MAP4K5: variants seen among roughly 807,000 people sequenced by gnomAD.
MAP4K5 encodes MAPK/ERK kinase kinase kinase 5.
MAP4K5 carries 82 observed loss-of-function variants against 135.6 expected under a neutral mutation model. The ratio of observed to expected loss-of-function variants is 0.60; its 90% CI spans 0.51 to 0.73. The LOEUF is 0.73. Among genes scored for constraint, MAP4K5 ranks in the 30% least tolerant of loss-of-function variants. The pLI is 0.00. For missense variants in MAP4K5, 907 were observed against 1,010.9 expected, an observed-to-expected ratio of 0.90 and a Z score of 1.39; for synonymous variants, 347 against 335.0, an observed-to-expected ratio of 1.04 and a Z score of -0.39.
intron 1 of MAP4K5, among the ~76,000 whole-genome samples, chr14:50,556,626 C>G (rs1406531879): frequency 6.6e-6 from 1 of 152,194 alleles, no homozygotes; most frequent in Non-Finnish European, 1.5e-5. Context: ...TTAGCAGTCA[C>G]TCTCCAATTT....
intron 9 of MAP4K5, among the ~76,000 whole-genome samples, chr14:50,471,018 CTTTTA>C (rs1218821359): frequency 1.3e-5 from 2 of 151,886 alleles, no homozygotes; most frequent in Admixed American, 6.6e-5. Flanking sequence ...TTTCCTTCAA[CTTTTA>C]TTTTAAGTTC....
intron 30 of MAP4K5, among the ~76,000 whole-genome samples, chr14:50,426,813 G>A (rs1461146615): frequency 1.3e-5 from 2 of 152,208 alleles, no homozygotes; most frequent in Non-Finnish European, 2.9e-5. Flanking sequence ...GGATCTGTGA[G>A]TCAATTCTTA....
chr14:50,450,783 A>C (rs1335085951), intron 14 of MAP4K5, among the ~76,000 whole-genome samples: 1 of 152,176 alleles, frequency 6.6e-6, no homozygotes, highest in Non-Finnish European at 1.5e-5. Context: ...AACCTGACAC[A>C]AGCCTTGAAA....
chr14:50,454,118 A>G (rs1319500498), intron 14 of MAP4K5, among the ~76,000 whole-genome samples: 3 of 152,202 alleles, frequency 2.0e-5, no homozygotes, highest in Non-Finnish European at 4.4e-5. Flanking sequence ...ATTACTACAC[A>G]TGACTCTAAC....
intron 28 of MAP4K5, among the ~76,000 whole-genome samples, chr14:50,432,995 G>A (rs953995947): frequency 2.6e-5 from 4 of 151,902 alleles, no homozygotes; most frequent in Non-Finnish European, 5.9e-5. Flanking sequence ...GCACCACCAC[G>A]CCCGGCTAAG....
intron 1 of MAP4K5, among the ~76,000 whole-genome samples, chr14:50,555,750 C>G (rs2038758017): frequency 2.6e-5 from 4 of 152,232 alleles, no homozygotes; most frequent in African/African-American, 9.6e-5. Context: ...AGCTGATGAA[C>G]TGACCACCAT....
At chr14:50,430,481 T>C (rs558804512) in intron 28 of MAP4K5, among the ~76,000 whole-genome samples, 2 of 152,320 alleles carry the variant, frequency 1.3e-5, no homozygotes, top group South Asian at 4.1e-4. Context: ...GACTTTTCCT[T>C]CAAATGGCGG....
intron 1 of MAP4K5, among the ~76,000 whole-genome samples, chr14:50,554,073 A>G (rs1483671414): frequency 6.6e-6 from 1 of 152,046 alleles, no homozygotes; most frequent in East Asian, 1.9e-4. Context: ...TAACAAAAAA[A>G]ATCTGTTCCC....
At chr14:50,446,227 A>G (rs2036345046) in intron 16 of MAP4K5, 106 bp from the exon 17 acceptor site, 1 of 655,150 alleles carries the variant, frequency 1.5e-6, no homozygotes, top group Non-Finnish European at 2.5e-6. Flanking sequence ...AGAGGATGTA[A>G]AAGACAGATC....
intron 2 of MAP4K5, among the ~76,000 whole-genome samples, chr14:50,528,404 A>T (rs2038313864): frequency 9.3e-5 from 1 of 10,806 alleles, no homozygotes; most frequent in Admixed American, 7.9e-4. Flanking sequence ...CTAAGGTGTA[A>T]AAAAAAAAAA....
intron 13 of MAP4K5, among the ~76,000 whole-genome samples, chr14:50,457,196 C>T (rs529143088): frequency 1.3e-5 from 2 of 152,206 alleles, no homozygotes; most frequent in South Asian, 4.1e-4. Flanking sequence ...AGGGTGAGCC[C>T]AATCGACAAA....
intron 31 of MAP4K5, among the ~76,000 whole-genome samples, chr14:50,424,485 G>A (rs2035801300): frequency 6.6e-6 from 1 of 152,062 alleles, no homozygotes; most frequent in Admixed American, 6.6e-5. Context: ...CAAGGCAGGT[G>A]GATCACGTGA....
intron 2 of MAP4K5, among the ~76,000 whole-genome samples, chr14:50,516,471 G>A (rs3920549): frequency 0.19 from 28,777 of 152,194 alleles, 3,348 homozygotes; most frequent in Middle Eastern, 0.28. Context: ...ACGCAGGCAG[G>A]TGGATGAGAT....
chr14:50,534,468 G>C (rs1371970814), upstream of MAP4K5, among the ~76,000 whole-genome samples: 1 of 152,364 alleles, frequency 6.6e-6, no homozygotes, highest in East Asian at 1.9e-4. Context: ...TGAATGCCCA[G>C]TTTGAGACGA....
rs140584469 is a variant in MAP4K5, at chr14:50,550,388, AC to A, written c.-179-7805del. Among the ~76,000 whole-genome samples, 345 of 152,302 alleles carry A rather than the reference AC, an allele frequency of 2.3e-3. 3 individuals carry two copies. Among genetic ancestry groups the A allele is most frequent in the African/African-American group, 7.7e-3 (320 of 41,562 alleles). On this transcript the variant is annotated intron_variant, in intron 1 of 8. Transcript: ENST00000555216. ...CATCTGTGTTTGCCTTGTTTCTGCTACCCATGGCAGCTGGTAATGTCTTCTG... is the reference window on the plus strand; with the variant it reads ...CATCTGTGTTTGCCTTGTTTCTGCTACCATGGCAGCTGGTAATGTCTTCTG...
At position 50,467,359 on chromosome 14, in the gene MAP4K5, A is replaced by T. The variant is rs368107916; in HGVS notation, c.675-714T>A. The stretch of plus-strand genomic sequence containing the variant: ...TAAAAATTAAATGATTCAAAGGAAA[A>T]ATAAAAAAAACTATATTCCCACCAT... On this transcript the variant is annotated intron_variant, in intron 10 of 32. Coordinates refer to ENST00000682126, the MANE Select transcript of MAP4K5 (RefSeq NM_006575.6). Among the ~76,000 whole-genome samples, 6 of 152,212 alleles carry T rather than the reference A, an allele frequency of 3.9e-5. No homozygotes were observed. The East Asian group carries it at 9.6e-4, about 24-fold the overall frequency.
Position 50,448,799 on chromosome 14 carries a change from T to C in MAP4K5, c.1049A>G (p.Lys350Arg), listed in dbSNP as rs1484322353. ...CATTTCATCTCGTGCTTCTGTTTCTTTTCTCAGAGGAGGTTCAAATTGTAA... is the reference window on the plus strand; with the variant it reads ...CATTTCATCTCGTGCTTCTGTTTCTCTTCTCAGAGGAGGTTCAAATTGTAA... ...DKLQFEPPLR[K>R]ETEARDEMGL... Residue 350 changes from lysine (K) to arginine (R), a missense_variant, in exon 15 of 33, where the codon AAA becomes AGA. Physicochemically the swap from Lys to Arg is conservative, Grantham distance 26 (BLOSUM62 2). Around this residue, in one of 3 missense-constraint regions of MAP4K5, gnomAD observed 690 missense variants for 777.4 expected, o/e 0.89. Coordinates refer to ENST00000682126, the MANE Select transcript of MAP4K5 (RefSeq NM_006575.6). The C allele has an allele frequency of 7.7e-6, 12 of 1,568,294 alleles. No individual in the cohort carries two copies. The highest frequency in any genetic ancestry group is 1.8e-5 in the Admixed American group (1 of 54,740).
At chr14:50,471,499 G>A (rs780398112) in intron 9 of MAP4K5, among the ~76,000 whole-genome samples, 5 of 151,758 alleles carry the variant, frequency 3.3e-5, no homozygotes, top group African/African-American at 1.2e-4. Context: ...GAAAAACCCC[G>A]AGAACAGAAG....
chr14:50,547,128 G>A (rs2038643905), intron 1 of MAP4K5, among the ~76,000 whole-genome samples: 1 of 152,040 alleles, frequency 6.6e-6, no homozygotes, highest in African/African-American at 2.4e-5. Flanking sequence ...CTATAAAAAT[G>A]GTTAACAGGA....
Sources: allele counts gnomAD v4.1 joint callset (sites outside exome capture counted in the v4.1 genomes callset), GRCh38; gene constraint gnomAD v4.1.1; regional missense constraint gnomAD v4.1.1; transcripts MANE v1.5; gene names NCBI Gene and HGNC (gene_info 2026-07-23, HGNC 2026-07-21).